DOCK8: variants seen among roughly 807,000 people sequenced by gnomAD.
DOCK8 encodes the protein dedicator of cytokinesis protein 8.
DOCK8 carries 141 observed loss-of-function variants against 245.6 expected under a neutral mutation model. That is an observed-to-expected ratio of 0.57 (90% CI 0.50 to 0.66). DOCK8 has a LOEUF of 0.66. DOCK8 is among the 30% of genes least tolerant of loss of function. The pLI, the probability that DOCK8 is intolerant of heterozygous loss-of-function variation, is 0.00. For missense variants in DOCK8, 2,965 were observed against 2,603.4 expected, an observed-to-expected ratio of 1.14 and a Z score of -3.02; for synonymous variants, 1,168 against 970.2, an observed-to-expected ratio of 1.20 and a Z score of -3.79.
At chr9:253,905 G>GA in intron 1 of DOCK8, among the ~76,000 whole-genome samples, 1 of 152,312 alleles carries the variant, frequency 6.6e-6, no homozygotes, top group South Asian at 2.1e-4. Context: ...TATGCATTGA[G>GA]AAAAGAGAGT....
At chr9:340,869 A>T (rs746325814) in intron 14 of DOCK8, among the ~76,000 whole-genome samples, 1 of 152,138 alleles carries the variant, frequency 6.6e-6, no homozygotes, top group Non-Finnish European at 1.5e-5. Context: ...TATAGTGGAC[A>T]TATGTTTTCC....
chr9:230,468 A>T (rs892373004), intron 1 of DOCK8, among the ~76,000 whole-genome samples: 2 of 152,100 alleles, frequency 1.3e-5, no homozygotes, highest in African/African-American at 4.8e-5. Context: ...TCCCTGAGGA[A>T]TCGCCACACT....
intron 14 of DOCK8, among the ~76,000 whole-genome samples, chr9:354,441 G>A (rs1018560309): frequency 6.6e-6 from 1 of 152,264 alleles, no homozygotes; most frequent in African/African-American, 2.4e-5. Flanking sequence ...AACACTGGAC[G>A]TATACTTTTA....
Position 286,580 on chromosome 9 carries a change from CGTG to C in DOCK8, c.280_282del (p.Val94del). On this transcript the variant is annotated inframe_deletion, in exon 3 of 48. Transcript: ENST00000432829. The stretch of plus-strand genomic sequence containing the variant: ...GGGACTTCACTGATGACGACTTGGA[CGTG>C]GTGTTCACGCCAAAGGAATGTAGGA... 6.2e-7 allele frequency: 1 copy of C among 1,613,924 alleles called. No homozygotes were observed. Among genetic ancestry groups the C allele is most frequent in the South Asian group, 1.1e-5 (1 of 91,078 alleles).
At chr9:383,873 G>T (rs1056983072) in intron 22 of DOCK8, among the ~76,000 whole-genome samples, 1 of 151,976 alleles carries the variant, frequency 6.6e-6, no homozygotes, top group African/African-American at 2.4e-5. Flanking sequence ...TAGAGTTACG[G>T]AATTATATAC....
At chr9:225,206 G>A (rs1218203824) in intron 1 of DOCK8, among the ~76,000 whole-genome samples, 1 of 152,156 alleles carries the variant, frequency 6.6e-6, no homozygotes, top group Non-Finnish European at 1.5e-5. Flanking sequence ...AAGTTAGAGA[G>A]CATGGGGAAC....
At chr9:404,806 T>G in intron 26 of DOCK8, 112 bp from the exon 27 acceptor site, 2 of 1,180,478 alleles carry the variant, frequency 1.7e-6, no homozygotes, top group Non-Finnish European at 1.2e-6. Flanking sequence ...CATTAGTTTT[T>G]ATTAAATTGA....
At position 246,009 on chromosome 9, in the gene DOCK8, C is replaced by G. The variant is rs142681442; in HGVS notation, c.54-25618C>G. Among the ~76,000 whole-genome samples the G allele has an allele frequency of 2.2e-3, 339 of 152,272 alleles. 1 individual carries two copies. Among genetic ancestry groups the G allele is most frequent in the African/African-American group, 7.8e-3 (324 of 41,564 alleles). On this transcript the variant is annotated intron_variant, in intron 1 of 47. Transcript: ENST00000432829. ...CCAAGGAGGGTGGATTGCCTGAGCT[C>G]AGGAGTTCTAGACCAACCTGGGCAA...
chr9:372,096 A>G (rs1475338294), intron 17 of DOCK8, 89 bp from the exon 18 acceptor site: 1 of 1,128,604 alleles, frequency 8.9e-7, no homozygotes, highest in East Asian at 2.5e-5. Flanking sequence ...CTCACTGTTT[A>G]GTTGCATTTG....
At chr9:417,918 A>T in intron 29 of DOCK8, 150 bp from the exon 30 acceptor site, 1 of 918,170 alleles carries the variant, frequency 1.1e-6, no homozygotes, top group Non-Finnish European at 1.7e-6. Context: ...GTGTTTTCCT[A>T]TAGGTGATAG....
intron 14 of DOCK8, among the ~76,000 whole-genome samples, chr9:354,945 G>A (rs1259011671): frequency 6.6e-6 from 1 of 152,092 alleles, no homozygotes; most frequent in Admixed American, 6.5e-5. Context: ...CATCAGAAGC[G>A]AGTCACTAGG....
At chr9:454,753 C>T (rs2057581587) in intron 46 of DOCK8, 1 of 152,144 alleles carries the variant, frequency 6.6e-6, no homozygotes, top group South Asian at 2.1e-4. Context: ...ATAAATCTTG[C>T]AATCCAGTAT....
chr9:243,177 A>G (rs1348537615), intron 1 of DOCK8, among the ~76,000 whole-genome samples: 2 of 152,182 alleles, frequency 1.3e-5, no homozygotes, highest in Non-Finnish European at 2.9e-5. Flanking sequence ...CAGTGGTATA[A>G]AGCATGAAAC....
At position 286,424 on chromosome 9, in the gene DOCK8, G is replaced by T. The variant is rs781052664; in HGVS notation, c.157-37G>T. 5 of 1,609,280 alleles carry T rather than the reference G, an allele frequency of 3.1e-6. No homozygotes were observed. In the Admixed American group the frequency reaches 8.4e-5, roughly 27 times the overall value. On this transcript the variant is annotated intron_variant, in intron 2 of 47. Transcript: ENST00000432829. ...CCTTTGTGCTTTTACCAGAAAACTG[G>T]GTGAGAACCTCCTTTTCCTTTTCCC... is the stretch of plus-strand genomic sequence containing the variant.
At chr9:408,821 A>T (rs1454459534) in intron 28 of DOCK8, among the ~76,000 whole-genome samples, 1 of 152,160 alleles carries the variant, frequency 6.6e-6, no homozygotes, top group African/African-American at 2.4e-5. Context: ...ATTCAGAGAT[A>T]ATCATGTAAT....
chr9:438,912 T>C (rs1054930432), intron 39 of DOCK8, among the ~76,000 whole-genome samples: 1 of 152,222 alleles, frequency 6.6e-6, no homozygotes, highest in Non-Finnish European at 1.5e-5. Flanking sequence ...AATTGGGTCT[T>C]TGCCTTTTGA....
chr9:249,197 T>C (rs2047588011), intron 1 of DOCK8, among the ~76,000 whole-genome samples: 1 of 152,226 alleles, frequency 6.6e-6, no homozygotes, highest in Non-Finnish European at 1.5e-5. Context: ...GAGATGGTCC[T>C]ATGGCATGAC....
rs1456514117 is a variant in DOCK8 at position 339,018 on chromosome 9, C to G, written c.1435C>G (p.Leu479Val). 1.2e-6 allele frequency: 2 copies of G among 1,614,012 alleles called. No individual in the cohort carries two copies. The highest frequency in any genetic ancestry group is 1.1e-5 in the South Asian group (1 of 91,084). Residue 479 changes from leucine (L) to valine (V), a missense_variant, in exon 13 of 48, where the codon CTT becomes GTT. Physicochemically the swap from Leu to Val is conservative, Grantham distance 32. This residue lies in a region of DOCK8 where 2,825 missense variants were observed against 2,453.5 expected (regional missense o/e 1.15). Transcript: ENST00000432829. ...SSFFKQEGDR[L>V]SDEDLFKFLA... is the part of the protein sequence containing the mutation. ...TTTCTCTTGGCAGGAAGGAGATCGCCTTAGCGATGAAGACTTATTCAAGTT... is the reference window on the plus strand; with the variant it reads ...TTTCTCTTGGCAGGAAGGAGATCGCGTTAGCGATGAAGACTTATTCAAGTT...
At chr9:256,008 T>C (rs2047763895) in intron 1 of DOCK8, among the ~76,000 whole-genome samples, 1 of 152,204 alleles carries the variant, frequency 6.6e-6, no homozygotes, top group Non-Finnish European at 1.5e-5. Context: ...CAGAATGTAG[T>C]CTCATTTATT....
Sources: gnomAD v4.1 joint callset for allele counts (sites outside exome capture counted in the v4.1 genomes callset) on GRCh38, gnomAD v4.1.1 for gene constraint, gnomAD v4.1.1 regional missense constraint, MANE v1.5 for transcripts, NCBI Gene and HGNC (gene_info 2026-07-23, HGNC 2026-07-21) for gene names.